OPA1: variants seen among roughly 807,000 people sequenced by gnomAD.
OPA1 encodes the protein OPA1 mitochondrial dynamin like GTPase, also known as dynamin-like GTPase OPA1, mitochondrial.
Under a neutral mutation model 152.9 loss-of-function variants are expected in OPA1, and 59 were observed. That is an observed-to-expected ratio of 0.39 (90% CI 0.31 to 0.48). The LOEUF (loss-of-function observed/expected upper bound fraction) is 0.48. Among genes scored for constraint, OPA1 ranks in the 20% least tolerant of loss-of-function variants. The probability of loss-of-function intolerance (pLI) is 0.96; values close to 1 mark genes in which losing one functional copy is unlikely to be tolerated. For synonymous variants in OPA1, 400 were observed against 389.9 expected, an observed-to-expected ratio of 1.03 and a Z score of -0.31; for missense variants, 1,008 against 1,216.8, an observed-to-expected ratio of 0.83 and a Z score of 2.55.
chr3:193,603,768 T>C (rs1407208367), intron 1 of OPA1, among the ~76,000 whole-genome samples: 3 of 151,802 alleles, frequency 2.0e-5, no homozygotes, highest in African/African-American at 4.8e-5. Context: ...CTGACTGATA[T>C]TTTTTTTTCT....
chr3:193,697,412 T>C lies in OPA1; in HGVS notation c.*2812T>C, dbSNP rs2109486583. 6.6e-6 allele frequency: 1 copy of C among 152,370 alleles called. No homozygotes were observed. The highest frequency in any genetic ancestry group is 2.4e-5 in the African/African-American group (1 of 41,580). 9.4% of individuals were successfully genotyped at this position (152,370 alleles called of 1,614,324 possible). ...ACTTGTGCACTGTGAATGAACTTTG[T>C]ATTATTTTTTTAAAACCTTCACATT... On this transcript the variant is annotated 3_prime_UTR_variant, in exon 31 of 31. Coordinates refer to ENST00000361510, the MANE Select transcript of OPA1 (RefSeq NM_130837.3).
Position 193,632,606 on chromosome 3 carries a change from T to C in OPA1, c.843+941T>C, listed in dbSNP as rs147645168. 2.3e-3 allele frequency among the ~76,000 whole-genome samples: 352 copies of C among 152,260 alleles called. 1 individual carries two copies. The highest frequency in any genetic ancestry group is 8.1e-3 in the African/African-American group (338 of 41,544). On this transcript the variant is annotated intron_variant, in intron 8 of 30. Coordinates refer to ENST00000361510, the MANE Select transcript of OPA1 (RefSeq NM_130837.3). Reference sequence around the variant, plus strand: ...ACTATCAGCTGGGCATGGTGGGTCATGCCTGTAATCCCAGCACTTTGAGAG... The same window carrying C: ...ACTATCAGCTGGGCATGGTGGGTCACGCCTGTAATCCCAGCACTTTGAGAG...
intron 29 of OPA1, among the ~76,000 whole-genome samples, chr3:193,688,070 T>C (rs1365618315): frequency 6.6e-6 from 1 of 152,234 alleles, no homozygotes; most frequent in African/African-American, 2.4e-5. Context: ...GCTCTAGCTC[T>C]TCTGATCCTG....
chr3:193,619,150 G>C (rs1233212281), intron 6 of OPA1, among the ~76,000 whole-genome samples: 1 of 152,210 alleles, frequency 6.6e-6, no homozygotes, highest in Non-Finnish European at 1.5e-5. Flanking sequence ...CATATGTCCA[G>C]TGAAGCATTA....
At position 193,695,168 on chromosome 3, in the gene OPA1, G is replaced by C. The variant is rs1722145743; in HGVS notation, c.*568G>C. 6.6e-6 allele frequency: 1 copy of C among 152,128 alleles called. No individual in the cohort carries two copies. Among genetic ancestry groups the C allele is most frequent in the Non-Finnish European group, 1.5e-5 (1 of 68,012 alleles). 9.4% of individuals were successfully genotyped at this position (152,128 alleles called of 1,614,324 possible). A position where few individuals can be genotyped will look rare whatever the true frequency, so the allele number is the denominator to read the frequency against. On this transcript the variant is annotated 3_prime_UTR_variant, in exon 31 of 31. Coordinates refer to ENST00000361510, the MANE Select transcript of OPA1 (RefSeq NM_130837.3). ...GGGTAACAGAAGAACCCTTAAAACA[G>C]GTTAATTTGGATTGTAACGTTCAGT...
intron 1 of OPA1, among the ~76,000 whole-genome samples, chr3:193,606,097 A>C (rs1727223324): frequency 6.6e-6 from 1 of 152,118 alleles, no homozygotes; most frequent in Admixed American, 6.5e-5. Flanking sequence ...CTAGTGGTGA[A>C]ACAGTTTGGC....
intron 1 of OPA1, among the ~76,000 whole-genome samples, chr3:193,596,306 T>TTTTCCTTTCC (rs59723526): frequency 0.22 from 22,889 of 104,498 alleles, 3,083 homozygotes; most frequent in African/African-American, 0.24. Flanking sequence ...TTTTCTTTTC[T>TTTTCCTTTCC]TTTCCTTTCC....
In OPA1 at chr3:193,696,500, T is replaced by G. The variant is rs1722262102; in HGVS notation, c.*1900T>G. 1 of 152,224 alleles carries G rather than the reference T, an allele frequency of 6.6e-6. No individual in the cohort carries two copies. The highest frequency in any genetic ancestry group is 1.5e-5 in the Non-Finnish European group (1 of 68,030). 9.4% of individuals were successfully genotyped at this position (152,224 alleles called of 1,614,324 possible). ...CTCCATGCCCCACAGTAATGTGGCT[T>G]CTTTCATGGGTTTTTTTTTCTTCTT... On this transcript the variant is annotated 3_prime_UTR_variant, in exon 31 of 31. Transcript: ENST00000361510.
chr3:193,668,706 A>G (rs1717253715), intron 29 of OPA1: 1 of 1,358,320 alleles, frequency 7.4e-7, no homozygotes, highest in Non-Finnish European at 9.6e-7. Context: ...CAGGTCAGGC[A>G]TTAACACCTG....
chr3:193,655,892 C>T (rs1056178212), intron 22 of OPA1, among the ~76,000 whole-genome samples: 1 of 152,130 alleles, frequency 6.6e-6, no homozygotes, highest in Non-Finnish European at 1.5e-5. Flanking sequence ...GTTTTTCATA[C>T]CTATCTTAAA....
intron 24 of OPA1, 59 bp downstream of exon 24, chr3:193,659,054 C>G (rs1714599992): frequency 9.5e-7 from 1 of 1,053,878 alleles, no homozygotes; most frequent in Non-Finnish European, 1.5e-6. Flanking sequence ...AGTCATCCAA[C>G]TTTAGTGAAC....
At chr3:193,679,926 T>C (rs1029856278) in intron 29 of OPA1, among the ~76,000 whole-genome samples, 3 of 152,242 alleles carry the variant, frequency 2.0e-5, no homozygotes, top group Admixed American at 6.5e-5. Flanking sequence ...TTTTTATTTT[T>C]CTGAGCCTGA....
rs1364173269 is a variant in OPA1, at chr3:193,642,860, T to C, written c.1230+15T>C. Reference sequence around the variant, plus strand: ...AAGAAGAAGATGTAAGTAAAATTCATCTAAGGTTGATATGTGTAATTTTAT... The same window carrying C: ...AAGAAGAAGATGTAAGTAAAATTCACCTAAGGTTGATATGTGTAATTTTAT... On this transcript the variant is annotated intron_variant, in intron 12 of 30. Transcript: ENST00000361510. 2 of 1,593,694 alleles carry C rather than the reference T, an allele frequency of 1.3e-6. No homozygotes were observed. The highest frequency in any genetic ancestry group is 8.6e-7 in the Non-Finnish European group (1 of 1,161,524).
At chr3:193,593,592 CGGCTTCAATACTGGCCCTTTTCTCT>C (rs1265713117) in intron 1 of OPA1, among the ~76,000 whole-genome samples, 183 bp downstream of exon 1, 57 of 152,200 alleles carry the variant, frequency 3.7e-4, no homozygotes, top group Non-Finnish European at 5.0e-4. Flanking sequence ...CGTTCGGAGC[CGGCTTCAATACTGGCCCTTTTCTCT>C]GGCCCTACCC....
chr3:193,619,099 T>C (rs1729567681), intron 6 of OPA1, among the ~76,000 whole-genome samples, 163 bp downstream of exon 6: 2 of 152,230 alleles, frequency 1.3e-5, no homozygotes, highest in Non-Finnish European at 1.5e-5. Flanking sequence ...AGGTATTACG[T>C]GGCAGTTCTG....
At chr3:193,655,121 CTT>C in intron 22 of OPA1, 94 bp downstream of exon 22, 5 of 1,175,786 alleles carry the variant, frequency 4.3e-6, no homozygotes, top group Non-Finnish European at 6.2e-6. Context: ...CAGCCTCTAT[CTT>C]TCTTTTAGGT....
chr3:193,607,327 A>G (rs879602608), intron 1 of OPA1, among the ~76,000 whole-genome samples: 74 of 152,364 alleles, frequency 4.9e-4, no homozygotes, highest in Admixed American at 9.8e-4. Context: ...TGTTTTAGAC[A>G]TGAAGTCCTT....
chr3:193,654,801 A>G (rs764844774), intron 21 of OPA1, 61 bp from the exon 22 acceptor site: 66 of 1,523,794 alleles, frequency 4.3e-5, no homozygotes, highest in East Asian at 3.8e-4. Context: ...ACTTCAGTCA[A>G]GCTGTTTTTA....
chr3:193,597,690 CAAAA>C (rs75168011), intron 1 of OPA1, among the ~76,000 whole-genome samples: 8 of 80,292 alleles, frequency 1.0e-4, no homozygotes, highest in Middle Eastern at 0.017. Context: ...GACTCCGTTT[CAAAA>C]AAAAAAAAAA....
Sources: gnomAD v4.1 joint callset for allele counts (sites outside exome capture counted in the v4.1 genomes callset) on GRCh38, gnomAD v4.1.1 for gene constraint, MANE v1.5 for transcripts, NCBI Gene and HGNC (gene_info 2026-07-23, HGNC 2026-07-21) for gene names.